Variants in TSC22D2 observed in about 807,000 individuals in gnomAD.
TSC22D2 encodes the protein TSC22 domain family protein 2.
A neutral mutation model predicts 50.1 loss-of-function variants in TSC22D2; 5 were observed. The ratio of observed to expected loss-of-function variants is 0.10; its 90% CI spans 0.05 to 0.21. TSC22D2 has a LOEUF of 0.21. Ranked by LOEUF, TSC22D2 falls within the 10% of genes least tolerant of loss-of-function variation. The pLI is 1.00. For synonymous variants in TSC22D2, 501 were observed against 450.1 expected (o/e 1.11, Z -1.43); for missense variants, 1,003 against 1,015.5 (o/e 0.99, Z 0.17).
chr3:150,410,064 C>G lies in TSC22D2; in HGVS notation c.714C>G (p.Pro238=), dbSNP rs752176756. Residue 238 remains proline (P), a synonymous_variant, in exon 1 of 3, where the codon CCC becomes CCG. Coordinates refer to ENST00000688009, the MANE Select transcript of TSC22D2 (RefSeq NM_001303264.2). ...CCTCCATGCAGGGGGCGCACGGGCC[C>G]GAGTCGGGAACTGACAGCTCCTTGA... ...VVASMQGAHG[P]ESGTDSSLTA... The G allele has an allele frequency of 6.8e-6, 11 of 1,613,070 alleles. No homozygotes were observed. The highest frequency in any genetic ancestry group is 1.1e-5 in the South Asian group (1 of 91,090).
intron 1 of TSC22D2, among the ~76,000 whole-genome samples, chr3:150,446,113 AATC>A (rs1720878420): frequency 6.7e-6 from 1 of 149,402 alleles, no homozygotes; most frequent in South Asian, 2.1e-4. Flanking sequence ...AAAAAAAAAA[AATC>A]AGCTAGTCTA....
intron 2 of TSC22D2, 27 bp from the exon 3 acceptor site, chr3:150,458,349 T>C (rs1341713276): frequency 6.3e-7 from 1 of 1,599,792 alleles, no homozygotes; most frequent in Non-Finnish European, 8.5e-7. Context: ...TTCACTCTTT[T>C]GACATTCCTA....
At chr3:150,457,205 A>G (rs1384230338) in intron 2 of TSC22D2, 78 bp downstream of exon 2, 2 of 1,353,952 alleles carry the variant, frequency 1.5e-6, no homozygotes, top group Non-Finnish European at 2.1e-6. Context: ...AGTTTTAGAA[A>G]ACAAATAAGT....
rs921229152 is a variant in TSC22D2 at position 150,465,285 on chromosome 3, A to G, written c.*6649A>G. The G allele has an allele frequency of 5.3e-5, 8 of 152,214 alleles. No individual in the cohort carries two copies. Among genetic ancestry groups the G allele is most frequent in the Admixed American group, 2.0e-4 (3 of 15,280 alleles). The allele number at this position is 152,214 out of a possible 1,614,324, so 9.4% of individuals were successfully genotyped here. A position where few individuals can be genotyped will look rare whatever the true frequency, so the allele number is the denominator to read the frequency against. On this transcript the variant is annotated 3_prime_UTR_variant, in exon 3 of 3. Transcript: ENST00000688009. ...ATACCCTGTCCATTTGAAAATGCAC[A>G]TAAGCAAAGAACTTTACAAATAGGT...
At chr3:150,414,058 C>A (rs751968834) in intron 1 of TSC22D2, among the ~76,000 whole-genome samples, 29 of 152,098 alleles carry the variant, frequency 1.9e-4, no homozygotes, top group Non-Finnish European at 4.0e-4. Context: ...ATTTTGAGAT[C>A]ATTTATAATT....
At position 150,409,758 on chromosome 3, in the gene TSC22D2, C is replaced by T. The variant is rs1366654808; in HGVS notation, c.408C>T (p.Gly136=). The change falls in exon 1 of 3, where the codon GGC becomes GGT. Residue 136 remains glycine, a synonymous_variant. Coordinates refer to ENST00000688009, the MANE Select transcript of TSC22D2 (RefSeq NM_001303264.2). The surrounding 1 kb of genome is among the most constrained non-coding windows in gnomAD (Gnocchi z 7.4). ...CCCCCGCCCCCGGAGCACCCGGCGG[C>T]CCCCAGCTCGCGGGCTCATCCGCCG... ...TSAPAPGAPG[G]PQLAGSSAGP... 7 of 1,601,778 alleles carry T rather than the reference C, an allele frequency of 4.4e-6. No homozygotes were observed. Among genetic ancestry groups the T allele is most frequent in the Non-Finnish European group, 5.9e-6 (7 of 1,178,662 alleles).
chr3:150,426,504 C>T (rs113688346), intron 1 of TSC22D2, among the ~76,000 whole-genome samples: 1,603 of 152,274 alleles, frequency 0.011, 26 homozygotes, highest in African/African-American at 0.036. Flanking sequence ...ATTTTACCCT[C>T]TTCTAAATAC....
intron 2 of TSC22D2, among the ~76,000 whole-genome samples, 196 bp from the exon 3 acceptor site, chr3:150,458,180 T>C (rs1721254592): frequency 6.6e-6 from 1 of 151,996 alleles, no homozygotes; most frequent in Admixed American, 6.6e-5. Context: ...GAAAAGAAAA[T>C]TCTGGGCTTA....
Position 150,459,253 on chromosome 3 carries a change from C to A in TSC22D2, c.*617C>A, listed in dbSNP as rs1247249264. The A allele has an allele frequency of 6.6e-6, 1 of 152,570 alleles. No homozygotes were observed. The highest frequency in any genetic ancestry group is 1.9e-4 in the East Asian group (1 of 5,186). 9.5% of individuals were successfully genotyped at this position (152,570 alleles called of 1,614,324 possible). A position where few individuals can be genotyped will look rare whatever the true frequency, so the allele number is the denominator to read the frequency against. Reference sequence around the variant, plus strand: ...CCTGGCATATTTCTAACACTAATGGCAATTTACTTATGGTATTTATTTTCA... The same window carrying A: ...CCTGGCATATTTCTAACACTAATGGAAATTTACTTATGGTATTTATTTTCA... On this transcript the variant is annotated 3_prime_UTR_variant, in exon 3 of 3. Transcript: ENST00000688009.
At position 150,459,611 on chromosome 3, in the gene TSC22D2, A is replaced by C. The variant is rs1576562146; in HGVS notation, c.*975A>C. On this transcript the variant is annotated 3_prime_UTR_variant, in exon 3 of 3. Coordinates refer to ENST00000688009, the MANE Select transcript of TSC22D2 (RefSeq NM_001303264.2). Reference sequence around the variant, plus strand: ...GTCTTTTTTTTTTTTTATAATGCACATTCTTTATGTATTTTTATTTAGTGT... The same window carrying C: ...GTCTTTTTTTTTTTTTATAATGCACCTTCTTTATGTATTTTTATTTAGTGT... 2 of 121,568 alleles carry C rather than the reference A, an allele frequency of 1.6e-5. No homozygotes were observed. Among genetic ancestry groups the C allele is most frequent in the Admixed American group, 1.7e-4 (2 of 11,736 alleles). 7.5% of individuals were successfully genotyped at this position (121,568 alleles called of 1,614,324 possible).
chr3:150,409,605 C>A lies in TSC22D2; in HGVS notation c.255C>A (p.Ser85=), dbSNP rs1173675849. ...VGDAETPGTV[S]PNLLLDGQLA... ...ATGCGGAGACTCCCGGGACCGTCTC[C>A]CCAAACCTCCTCCTAGATGGGCAGC... The change falls in exon 1 of 3, where the codon TCC becomes TCA. Residue 85 remains serine, a synonymous_variant. Coordinates refer to ENST00000688009, the MANE Select transcript of TSC22D2 (RefSeq NM_001303264.2). The surrounding 1 kb of genome is among the most constrained non-coding windows in gnomAD (Gnocchi z 7.4). 2 of 1,606,642 alleles carry A rather than the reference C, an allele frequency of 1.2e-6. No individual in the cohort carries two copies. Among genetic ancestry groups the A allele is most frequent in the African/African-American group, 1.3e-5 (1 of 74,910 alleles).
intron 1 of TSC22D2, among the ~76,000 whole-genome samples, chr3:150,434,736 C>A (rs546410154): frequency 6.6e-6 from 1 of 152,096 alleles, no homozygotes; most frequent in South Asian, 2.1e-4. Context: ...TTTGGTGTTT[C>A]TTCTACCAAT....
At position 150,464,260 on chromosome 3, in the gene TSC22D2, G is replaced by C. The variant is rs1721494165; in HGVS notation, c.*5624G>C. On this transcript the variant is annotated 3_prime_UTR_variant, in exon 3 of 3. Coordinates refer to ENST00000688009, the MANE Select transcript of TSC22D2 (RefSeq NM_001303264.2). ...CAGGCATGCAATGTATCTATAGATA[G>C]GTCATATCATACCTGAGGAAGATCA... 1 of 151,918 alleles carries C rather than the reference G, an allele frequency of 6.6e-6. No individual in the cohort carries two copies. Among genetic ancestry groups the C allele is most frequent in the Non-Finnish European group, 1.5e-5 (1 of 68,004 alleles). The allele number at this position is 151,918 out of a possible 1,614,324, so 9.4% of individuals were successfully genotyped here.
In TSC22D2 at chr3:150,410,660, T is replaced by G; in HGVS notation, c.1310T>G (p.Met437Arg). ...MGASSQPSEA[M>R]APRTGPAQGG... The stretch of plus-strand genomic sequence containing the variant: ...GCGTCTTCCCAGCCCAGCGAAGCCA[T>G]GGCCCCCCGGACGGGACCAGCGCAA... Residue 437 changes from methionine (M) to arginine (R), a missense_variant, in exon 1 of 3, where the codon ATG (methionine) becomes AGG (arginine). Physicochemically the swap from Met to Arg is moderately conservative, Grantham distance 91 (BLOSUM62 -1). This residue lies in a region of TSC22D2 where 696 missense variants were observed against 647.8 expected (regional missense o/e 1.07). Transcript: ENST00000688009. 1 of 1,554,802 alleles carries G rather than the reference T, an allele frequency of 6.4e-7. No individual in the cohort carries two copies. Among genetic ancestry groups the G allele is most frequent in the Non-Finnish European group, 8.7e-7 (1 of 1,152,318 alleles).
intron 1 of TSC22D2, among the ~76,000 whole-genome samples, chr3:150,416,617 G>A (rs181514066): frequency 1.3e-3 from 193 of 152,058 alleles, no homozygotes; most frequent in Admixed American, 2.2e-3. Context: ...CAAATTACTC[G>A]ATATTTGTTA....
chr3:150,444,886 T>C (rs1720829010), intron 1 of TSC22D2, among the ~76,000 whole-genome samples: 1 of 150,590 alleles, frequency 6.6e-6, no homozygotes, highest in South Asian at 2.1e-4. Context: ...TTGAATAAGG[T>C]AATTCTAAAG....
At chr3:150,437,114 A>C (rs1266030380) in intron 1 of TSC22D2, among the ~76,000 whole-genome samples, 1 of 152,194 alleles carries the variant, frequency 6.6e-6, no homozygotes, top group Non-Finnish European at 1.5e-5. Flanking sequence ...GGCAACTAAA[A>C]ATATAAATGT....
chr3:150,421,344 CA>C (rs545165349), intron 1 of TSC22D2, among the ~76,000 whole-genome samples: 26 of 146,012 alleles, frequency 1.8e-4, no homozygotes, highest in Non-Finnish European at 3.3e-4. Flanking sequence ...AAACAACAAC[CA>C]AAAAAAAAAC....
chr3:150,454,192 G>A (rs1275802411), intron 1 of TSC22D2, among the ~76,000 whole-genome samples: 5 of 152,166 alleles, frequency 3.3e-5, no homozygotes, highest in Admixed American at 6.5e-5. Flanking sequence ...AGATGGCACT[G>A]GAGCATCTTA....
Sources: allele counts gnomAD v4.1 joint callset (sites outside exome capture counted in the v4.1 genomes callset), GRCh38; gene constraint gnomAD v4.1.1; regional missense constraint gnomAD v4.1.1; non-coding constraint Gnocchi (gnomAD v3.1); transcripts MANE v1.5; gene names NCBI Gene and HGNC (gene_info 2026-07-23, HGNC 2026-07-21).